Variants in MRPS5 observed in about 807,000 individuals in gnomAD.
The protein encoded by MRPS5 is mitochondrial ribosomal protein S5, also known as small ribosomal subunit protein uS5m.
MRPS5 carries 27 observed loss-of-function variants against 51.9 expected under a neutral mutation model. The ratio of observed to expected loss-of-function variants is 0.52; its 90% confidence interval spans 0.38 to 0.72. The LOEUF is 0.72. Among genes scored for constraint, MRPS5 ranks in the 30% least tolerant of loss-of-function variants. The pLI is 0.00. For synonymous variants in MRPS5, 196 were observed against 193.2 expected, an observed-to-expected ratio of 1.01 and a Z score of -0.12; for missense variants, 570 against 545.7, an observed-to-expected ratio of 1.04 and a Z score of -0.44.
chr2:95,101,820 C>T, intron 7 of MRPS5, 97 bp from the exon 8 acceptor site: 2 of 751,342 alleles, frequency 2.7e-6, no homozygotes, highest in South Asian at 3.6e-5. Context: ...TATTTCACAG[C>T]ACTTCATCTT....
intron 1 of MRPS5, among the ~76,000 whole-genome samples, chr2:95,118,966 G>A (rs1676366346): frequency 3.3e-5 from 5 of 151,948 alleles, no homozygotes; most frequent in Admixed American, 2.0e-4. Context: ...GACACCAAAA[G>A]CACAGCAACA....
At chr2:95,103,585 C>G (rs1675864095) in intron 7 of MRPS5, among the ~76,000 whole-genome samples, 1 of 152,114 alleles carries the variant, frequency 6.6e-6, no homozygotes, top group African/African-American at 2.4e-5. Context: ...AGAAGTTTCC[C>G]CTATTGATAT....
intron 10 of MRPS5, among the ~76,000 whole-genome samples, chr2:95,095,883 C>CA (rs1208573489): frequency 2.0e-5 from 3 of 151,546 alleles, no homozygotes; most frequent in South Asian, 2.1e-4. Context: ...AACAGACACA[C>CA]AAAAAAAACC....
intron 7 of MRPS5, chr2:95,104,289 T>C (rs1457734268): frequency 9.9e-6 from 2 of 201,644 alleles, no homozygotes; most frequent in African/African-American, 4.6e-5. Context: ...CTTTAATGGA[T>C]ACAGAATATT....
At chr2:95,112,620 G>A (rs10184772) in intron 3 of MRPS5, among the ~76,000 whole-genome samples, 26,074 of 152,120 alleles carry the variant, frequency 0.17, 2,539 homozygotes, top group Admixed American at 0.3. Flanking sequence ...ATTTCCTACT[G>A]AAACAGCAAA....
chr2:95,092,443 T>C (rs2104395557), intron 10 of MRPS5: 1 of 152,362 alleles, frequency 6.6e-6, no homozygotes, highest in East Asian at 1.9e-4. Context: ...TCTGGCATCC[T>C]TTTTGGAGTA....
chr2:95,116,499 C>A (rs188532301), intron 2 of MRPS5, among the ~76,000 whole-genome samples: 4 of 152,292 alleles, frequency 2.6e-5, no homozygotes, highest in African/African-American at 9.6e-5. Context: ...ACTTAAAATA[C>A]ACTGTTACAA....
intron 3 of MRPS5, among the ~76,000 whole-genome samples, chr2:95,112,780 G>A (rs1201641390): frequency 2.6e-5 from 4 of 152,056 alleles, no homozygotes; most frequent in Non-Finnish European, 4.4e-5. Context: ...TGAGACAGGC[G>A]GATCACGAGG....
intron 6 of MRPS5, 28 bp from the exon 7 acceptor site, chr2:95,104,758 T>C: frequency 6.2e-7 from 1 of 1,606,994 alleles, no homozygotes; most frequent in Non-Finnish European, 8.5e-7. Context: ...TCATAAATAT[T>C]GCACATTAAG....
intron 3 of MRPS5, among the ~76,000 whole-genome samples, chr2:95,111,917 A>T (rs1676132463): frequency 6.6e-6 from 1 of 152,182 alleles, no homozygotes; most frequent in Admixed American, 6.5e-5. Flanking sequence ...CAGAGATTTT[A>T]CTATTTTTAC....
intron 5 of MRPS5, among the ~76,000 whole-genome samples, chr2:95,107,796 T>A (rs1675994018): frequency 6.6e-6 from 1 of 152,228 alleles, no homozygotes; most frequent in African/African-American, 2.4e-5. Context: ...GACAACTATC[T>A]GCTTTGCTGA....
At chr2:95,100,601 T>A in intron 9 of MRPS5, 65 bp from the exon 10 acceptor site, 2 of 1,278,734 alleles carry the variant, frequency 1.6e-6, no homozygotes, top group East Asian at 4.6e-5. Context: ...TTTGCAAATA[T>A]CACAAAGCAA....
At chr2:95,100,626 A>G (rs1675766961) in intron 9 of MRPS5, 90 bp from the exon 10 acceptor site, 10 of 1,029,270 alleles carry the variant, frequency 9.7e-6, no homozygotes, top group African/African-American at 3.2e-5. Context: ...TACTAGCCTC[A>G]ACAGCCAGCA....
chr2:95,116,195 C>T (rs1044458577), intron 2 of MRPS5, among the ~76,000 whole-genome samples: 1 of 151,840 alleles, frequency 6.6e-6, no homozygotes, highest in African/African-American at 2.4e-5. Flanking sequence ...TGAGCCATCG[C>T]GCCTGGCCAG....
chr2:95,110,369 C>CAA (rs1676082609), intron 3 of MRPS5, among the ~76,000 whole-genome samples: 1 of 152,306 alleles, frequency 6.6e-6, no homozygotes, highest in East Asian at 1.9e-4. Flanking sequence ...ATGATATAGG[C>CAA]GTCTTCCCTG....
In MRPS5 at chr2:95,090,481, G is replaced by A. The variant is rs529076099; in HGVS notation, c.973C>T (p.Arg325Trp). 37 of 1,614,142 alleles carry A rather than the reference G, an allele frequency of 2.3e-5. No homozygotes were observed. Among genetic ancestry groups the A allele is most frequent in the East Asian group, 1.1e-4 (5 of 44,880 alleles). Residue 325 changes from arginine (R) to tryptophan (W), a missense_variant, in exon 11 of 12, where the codon CGG becomes TGG. Physicochemically the swap from Arg to Trp is moderately radical, Grantham distance 101. Transcript: ENST00000272418. ...RCHRAIITIC[R>W]LIGIKDMYAK... ...TACATGTCTTTGATGCCAATGAGCC[G>A]GCAGATGGTGATGATGGCCCTGTGG...
intron 6 of MRPS5, 55 bp downstream of exon 6, chr2:95,106,368 C>CCCCCCCCCCA: frequency 1.9e-6 from 2 of 1,037,928 alleles, no homozygotes; most frequent in Non-Finnish European, 1.5e-6. Context: ...GTCCCTGCCC[C>CCCCCCCCCCA]ACCCACCCCA....
At position 95,108,406 on chromosome 2, in the gene MRPS5, G is replaced by A. The variant is rs142603460; in HGVS notation, c.406C>T (p.Arg136Cys). 7.4e-5 allele frequency: 119 copies of A among 1,606,170 alleles called. No homozygotes were observed. In the African/African-American group the frequency reaches 1.0e-3, roughly 14 times the overall value. The change falls in exon 5 of 12, where the codon CGT becomes TGT. Residue 136 changes from arginine to cysteine, a missense_variant and splice_region_variant. Transcript: ENST00000272418. ...AGTCCGGGCCATAGAAAACCATAAC[G>A]CCCTGAAGGTTTAAAAATATAAATA... ...LNRGQIIGEG[R>C]YGFLWPGLNV...
intron 10 of MRPS5, among the ~76,000 whole-genome samples, chr2:95,097,061 C>A (rs1233582004): frequency 6.6e-6 from 1 of 152,080 alleles, no homozygotes; most frequent in Non-Finnish European, 1.5e-5. Flanking sequence ...CAACAGACAG[C>A]CAAATCATGA....
Sources: gnomAD v4.1 joint callset for allele counts (sites outside exome capture counted in the v4.1 genomes callset) on GRCh38, gnomAD v4.1.1 for gene constraint, MANE v1.5 for transcripts, NCBI Gene and HGNC (gene_info 2026-07-23, HGNC 2026-07-21) for gene names.